Variants in NPAS3 observed in about 807,000 individuals in gnomAD.
NPAS3 encodes neuronal PAS domain protein 3, also known as neuronal PAS domain-containing protein 3.
A neutral mutation model predicts 73.1 loss-of-function variants in NPAS3; 14 were observed. That is an observed-to-expected ratio of 0.19 (90% CI 0.13 to 0.30). NPAS3 has a LOEUF of 0.30. Ranked by LOEUF, NPAS3 falls within the 10% of genes least tolerant of loss-of-function variation. The probability of loss-of-function intolerance (pLI) is 1.00; values close to 1 mark genes in which losing one functional copy is unlikely to be tolerated. For synonymous variants in NPAS3, 620 were observed against 541.5 expected (o/e 1.14, Z -2.01); for missense variants, 1,096 against 1,250.0 (o/e 0.88, Z 1.86).
intron 4 of NPAS3, among the ~76,000 whole-genome samples, chr14:33,541,889 G>A (rs1055716217): frequency 7.9e-5 from 12 of 152,186 alleles, no homozygotes; most frequent in African/African-American, 2.2e-4. Flanking sequence ...ACTCACTGTA[G>A]TGGATTGGTT....
chr14:33,611,551 A>C (rs1339716064), intron 5 of NPAS3, among the ~76,000 whole-genome samples: 1 of 100,240 alleles, frequency 1.0e-5, no homozygotes, highest in East Asian at 4.2e-4. Flanking sequence ...CAGAGCTTAT[A>C]ATGCCCTCGG....
intron 5 of NPAS3, among the ~76,000 whole-genome samples, chr14:33,605,918 T>A (rs922670708): frequency 1.3e-5 from 2 of 151,848 alleles, no homozygotes; most frequent in African/African-American, 4.8e-5. Context: ...CCAAAACAAT[T>A]TAGAAAAGGA....
chr14:33,134,516 C>T (rs116999075), intron 2 of NPAS3, among the ~76,000 whole-genome samples: 5,035 of 152,222 alleles, frequency 0.033, 138 homozygotes, highest in Non-Finnish European at 0.048. Flanking sequence ...GTTAAAACAA[C>T]AGCATATAGA....
intron 4 of NPAS3, among the ~76,000 whole-genome samples, chr14:33,425,433 A>G (rs1474053270): frequency 2.0e-5 from 3 of 151,914 alleles, no homozygotes. Context: ...TTTATTAAAT[A>G]CCTTTATTAT....
chr14:33,242,339 A>G (rs549692939), intron 3 of NPAS3, among the ~76,000 whole-genome samples: 3 of 152,190 alleles, frequency 2.0e-5, no homozygotes, highest in South Asian at 2.1e-4. Flanking sequence ...TCAGGAAGCC[A>G]TGGGAATTTC....
chr14:33,196,470 T>C (rs547743445), intron 2 of NPAS3, among the ~76,000 whole-genome samples: 1 of 152,338 alleles, frequency 6.6e-6, no homozygotes, highest in East Asian at 1.9e-4. Context: ...AGAGCTTCCT[T>C]GTCACTGACA....
At chr14:33,235,805 C>CTTT (rs35968798) in intron 3 of NPAS3, among the ~76,000 whole-genome samples, 7,190 of 80,550 alleles carry the variant, frequency 0.089, 1,246 homozygotes, top group Non-Finnish European at 0.11. Flanking sequence ...TGATACAATT[C>CTTT]TTTTTTTTTT....
At chr14:33,231,708 T>G (rs753253703) in intron 3 of NPAS3, among the ~76,000 whole-genome samples, 2 of 152,206 alleles carry the variant, frequency 1.3e-5, no homozygotes, top group Non-Finnish European at 2.9e-5. Context: ...TCATTTTTCT[T>G]TCTCGTATGT....
intron 5 of NPAS3, among the ~76,000 whole-genome samples, chr14:33,586,333 A>C (rs1320074598): frequency 6.6e-6 from 1 of 151,972 alleles, no homozygotes; most frequent in Non-Finnish European, 1.5e-5. Flanking sequence ...TAATTTTTAG[A>C]GATTAATTGA....
At chr14:33,234,693 C>CAAA (rs1187390746) in intron 3 of NPAS3, among the ~76,000 whole-genome samples, 4 of 151,706 alleles carry the variant, frequency 2.6e-5, no homozygotes, top group Non-Finnish European at 5.9e-5. Flanking sequence ...CCCATTTCCC[C>CAAA]AAAAAAGTGT....
chr14:32,936,575 A>G (rs2035701080), upstream of NPAS3, among the ~76,000 whole-genome samples: 1 of 152,224 alleles, frequency 6.6e-6, no homozygotes, highest in Non-Finnish European at 1.5e-5. Flanking sequence ...AAGTGCAGGC[A>G]ATGGTCACAA....
At chr14:33,047,721 T>A (rs1321577570) in intron 1 of NPAS3, among the ~76,000 whole-genome samples, 1 of 152,178 alleles carries the variant, frequency 6.6e-6, no homozygotes, top group Non-Finnish European at 1.5e-5. Flanking sequence ...TTTTGGTAGT[T>A]TACACAAATG....
intron 2 of NPAS3, among the ~76,000 whole-genome samples, chr14:33,168,850 GA>G (rs2045275421): frequency 6.6e-6 from 1 of 152,158 alleles, no homozygotes; most frequent in Non-Finnish European, 1.5e-5. Flanking sequence ...CAAGCTCTAA[GA>G]AAGTAAAAAA....
intron 1 of NPAS3, among the ~76,000 whole-genome samples, chr14:32,964,023 A>G (rs1397325445): frequency 6.6e-6 from 1 of 152,072 alleles, no homozygotes; most frequent in Non-Finnish European, 1.5e-5. Flanking sequence ...GCCCTTACTA[A>G]AATGCAAAAT....
At chr14:33,435,854 A>G (rs986251206) in intron 4 of NPAS3, among the ~76,000 whole-genome samples, 5 of 152,132 alleles carry the variant, frequency 3.3e-5, no homozygotes, top group African/African-American at 1.2e-4. Flanking sequence ...ATCATCATCC[A>G]TTTATATTAA....
At chr14:33,668,030 C>T (rs2059504607) in intron 5 of NPAS3, among the ~76,000 whole-genome samples, 1 of 152,160 alleles carries the variant, frequency 6.6e-6, no homozygotes, top group African/African-American at 2.4e-5. Context: ...TAAAGACCCC[C>T]TCATGGTGAC....
intron 3 of NPAS3, among the ~76,000 whole-genome samples, chr14:33,312,658 G>A (rs1174755574): frequency 6.6e-6 from 1 of 151,932 alleles, no homozygotes; most frequent in East Asian, 1.9e-4. Flanking sequence ...AAGTTGACAG[G>A]TATATTTTCC....
intron 2 of NPAS3, among the ~76,000 whole-genome samples, chr14:33,192,240 A>G (rs1340952636): frequency 6.6e-6 from 1 of 152,080 alleles, no homozygotes; most frequent in African/African-American, 2.4e-5. Context: ...GAGAAAAACA[A>G]TATGAAGCAA....
intron 7 of NPAS3, among the ~76,000 whole-genome samples, chr14:33,741,419 A>G (rs1397980866): frequency 1.3e-5 from 2 of 152,292 alleles, no homozygotes; most frequent in African/African-American, 2.4e-5. Flanking sequence ...AGGAGAAAAA[A>G]TTTCCAGGGT....
Sources: gnomAD v4.1 joint callset for allele counts (sites outside exome capture counted in the v4.1 genomes callset) on GRCh38, gnomAD v4.1.1 for gene constraint, MANE v1.5 for transcripts, NCBI Gene and HGNC (gene_info 2026-07-23, HGNC 2026-07-21) for gene names.